MST1R: variants seen among roughly 807,000 people sequenced by gnomAD.
MST1R encodes the protein macrophage stimulating 1 receptor.
MST1R carries 99 observed loss-of-function variants against 117.8 expected under a neutral mutation model. The ratio of observed to expected loss-of-function variants is 0.84; its 90% CI spans 0.71 to 0.99. MST1R has a LOEUF of 0.99. MST1R is among the 50% of genes least tolerant of loss of function. The probability of loss-of-function intolerance (pLI) is 0.00; values close to 1 mark genes in which losing one functional copy is unlikely to be tolerated. For synonymous variants in MST1R, 734 were observed against 765.3 expected (o/e 0.96, Z 0.68); for missense variants, 1,683 against 1,840.2 (o/e 0.91, Z 1.56).
At position 49,903,217 on chromosome 3, in the gene MST1R, C is replaced by A. The variant is rs780104920; in HGVS notation, c.393G>T (p.Ala131=). 8 of 1,606,696 alleles carry A rather than the reference C, an allele frequency of 5.0e-6. No homozygotes were observed. Among genetic ancestry groups the A allele is most frequent in the Non-Finnish European group, 6.8e-6 (8 of 1,179,988 alleles). The change falls in exon 1 of 20, where the codon GCG becomes GCT. Residue 131 remains alanine, a synonymous_variant. Transcript: ENST00000296474. ...KVLVLDPALP[A]LVSCGSSLQG... is the part of the protein sequence containing the mutation. ...GCAGGCTGGAGCCACAACTGACCAG[C>A]GCAGGCAGCGCGGGATCCAGCACCA...
chr3:49,901,865 CTG>C (rs2082688150), intron 1 of MST1R, among the ~76,000 whole-genome samples: 1 of 145,876 alleles, frequency 6.9e-6, no homozygotes, highest in Non-Finnish European at 1.5e-5. Flanking sequence ...GAAAGTGAAA[CTG>C]TTGGCAAGCA....
chr3:49,902,379 C>A lies in MST1R; in HGVS notation c.1230+1G>T. The A allele has an allele frequency of 3.1e-6, 5 of 1,612,376 alleles. No homozygotes were observed. Among genetic ancestry groups the A allele is most frequent in the Non-Finnish European group, 4.2e-6 (5 of 1,179,234 alleles). ...AGTAAGGGCCCCTTCTTTCAGCTTA[C>A]CGGGTTGGGGCAAAAACTGGGCGAC... On this transcript the variant is annotated splice_donor_variant, in intron 1 of 19. Transcript: ENST00000296474. LOFTEE classifies it high-confidence loss of function.
Position 49,903,274 on chromosome 3 carries a change from G to A in MST1R, c.336C>T (p.His112=), listed in dbSNP as rs758647857. 1.3e-5 allele frequency: 21 copies of A among 1,610,504 alleles called. No individual in the cohort carries two copies. The Middle Eastern group carries it at 4.9e-4, about 38-fold the overall frequency. Residue 112 remains histidine, a synonymous_variant, in exon 1 of 20, where the codon CAC becomes CAT. Transcript: ENST00000296474. ...TTGTGTCTGTGTCACCGGGAGGGCCGTGGGGTCCTGGGCCACAGGCTGCAC... is the reference window on the plus strand; with the variant it reads ...TTGTGTCTGTGTCACCGGGAGGGCCATGGGGTCCTGGGCCACAGGCTGCAC... ...QTCAACGPGP[H]GPPGDTDTKV...
chr3:49,895,418 T>C, intron 13 of MST1R, 29 bp downstream of exon 13: 2 of 1,613,996 alleles, frequency 1.2e-6, no homozygotes, highest in South Asian at 1.1e-5. Flanking sequence ...AGGGGGTGGC[T>C]TTAGCTTCTC....
rs778680733 is a variant in MST1R at position 49,899,092 on chromosome 3, C to G, written c.1402G>C (p.Asp468His). The part of the protein sequence containing the change: ...NVTVAHMGTM[D>H]GRILQVELVR... ...GGACCCACCTGCAGGATACGCCCAT[C>G]CATTGTGCCCATGTGTGCCACTGTG... The change falls in exon 2 of 20, where the codon GAT (aspartate) becomes CAT (histidine). Residue 468 changes from aspartate (D) to histidine (H), a missense_variant. Physicochemically the swap from Asp to His is moderately conservative, Grantham distance 81. Transcript: ENST00000296474. 6.2e-7 allele frequency: 1 copy of G among 1,614,136 alleles called. No individual in the cohort carries two copies. Among genetic ancestry groups the G allele is most frequent in the Non-Finnish European group, 8.5e-7 (1 of 1,180,046 alleles).
At chr3:49,900,830 A>T (rs2082652204) in intron 1 of MST1R, among the ~76,000 whole-genome samples, 1 of 152,156 alleles carries the variant, frequency 6.6e-6, no homozygotes, top group Non-Finnish European at 1.5e-5. Context: ...CAGCTCCTGA[A>T]AACACGTAAG....
In MST1R at chr3:49,896,804, T is replaced by C; in HGVS notation, c.2270A>G (p.Gln757Arg). The change falls in exon 8 of 20, where the codon CAG (glutamine) becomes CGG (arginine). Residue 757 changes from glutamine to arginine, a missense_variant. Physicochemically the swap from Gln to Arg is conservative, Grantham distance 43. Coordinates refer to ENST00000296474, the MANE Select transcript of MST1R (RefSeq NM_002447.4). ...CTGGAAGGTCCAGGAACCAGGTACC[T>C]GGGCACCCCCCACCTGCAGGCTAAG... The part of the protein sequence containing the change: ...VPLSLQVGGA[Q>R]VPGSWTFQYR... 1.3e-6 allele frequency: 2 copies of C among 1,562,006 alleles called. No individual in the cohort carries two copies. The highest frequency in any genetic ancestry group is 1.7e-6 in the Non-Finnish European group (2 of 1,152,074).
intron 13 of MST1R, 35 bp from the exon 14 acceptor site, chr3:49,895,408 A>T: frequency 6.2e-7 from 1 of 1,613,992 alleles, no homozygotes; most frequent in Non-Finnish European, 8.5e-7. Flanking sequence ...TTGTAGGGAC[A>T]GGGGGTGGCT....
At chr3:49,897,482 C>T (rs1166375719) in intron 6 of MST1R, 38 bp downstream of exon 6, 1 of 1,610,328 alleles carries the variant, frequency 6.2e-7, no homozygotes, top group Non-Finnish European at 8.5e-7. Context: ...CCGTACCATG[C>T]ACTGGCCAAG....
rs371786682 is a variant in MST1R at position 49,903,630 on chromosome 3, G to A, written c.-21C>T. On this transcript the variant is annotated 5_prime_UTR_variant, in exon 1 of 20. Transcript: ENST00000296474. Reference sequence around the variant, plus strand: ...TCCATCGAGGCGAGCTGGGACCCTAGAGGATCCCTACCGGCCTGGGCCTGG... The same window carrying A: ...TCCATCGAGGCGAGCTGGGACCCTAAAGGATCCCTACCGGCCTGGGCCTGG... 36 of 1,546,104 alleles carry A rather than the reference G, an allele frequency of 2.3e-5. No homozygotes were observed. The African/African-American group carries it at 4.5e-4, about 19-fold the overall frequency.
chr3:49,887,806 T>C (rs1046493208), intron 19 of MST1R, among the ~76,000 whole-genome samples: 1 of 152,258 alleles, frequency 6.6e-6, no homozygotes, highest in Admixed American at 6.5e-5. Flanking sequence ...CTGTGCCCTG[T>C]GGCCTGGGCT....
rs373667151 is a variant in MST1R at position 49,898,013 on chromosome 3, C to G, written c.1880+38G>C. On this transcript the variant is annotated intron_variant, in intron 5 of 19. Transcript: ENST00000296474. ...CATGGGGAAGGGGCTGCTTGGTTTCCCCCTTCAGGGAAAGGGAGGGGAGGG... is the reference window on the plus strand; with the variant it reads ...CATGGGGAAGGGGCTGCTTGGTTTCGCCCTTCAGGGAAAGGGAGGGGAGGG... 1.4e-5 allele frequency: 22 copies of G among 1,613,726 alleles called. 1 individual carries two copies. Among genetic ancestry groups the G allele is most frequent in the Admixed American group, 8.3e-5 (5 of 60,018 alleles).
Position 49,896,798 on chromosome 3 carries a change from G to T in MST1R, c.2276C>A (p.Pro759His), listed in dbSNP as rs768326110. Residue 759 changes from proline to histidine, a missense_variant, in exon 8 of 20, where the codon CCT becomes CAT. Physicochemically the swap from Pro to His is moderately conservative, Grantham distance 77. Coordinates refer to ENST00000296474, the MANE Select transcript of MST1R (RefSeq NM_002447.4). ...LSLQVGGAQV[P>H]GSWTFQYRED... ...TCTGTACTGGAAGGTCCAGGAACCA[G>T]GTACCTGGGCACCCCCCACCTGCAG... 6.7e-5 allele frequency: 104 copies of T among 1,563,782 alleles called. No homozygotes were observed. The highest frequency in any genetic ancestry group is 7.9e-5 in the Non-Finnish European group (91 of 1,153,076).
chr3:49,892,163 A>G (rs1411287156), intron 14 of MST1R, among the ~76,000 whole-genome samples: 2 of 151,542 alleles, frequency 1.3e-5, no homozygotes, highest in African/African-American at 4.8e-5. Flanking sequence ...ACTGGGTTTC[A>G]CCATGTTGGC....
At chr3:49,895,646 G>C in intron 12 of MST1R, 69 bp downstream of exon 12, 4 of 1,611,676 alleles carry the variant, frequency 2.5e-6, no homozygotes, top group Non-Finnish European at 3.4e-6. Context: ...GCAGAGAGAG[G>C]ATGTAGGGAC....
At chr3:49,891,683 G>A (rs1471450809) in intron 15 of MST1R, 75 bp downstream of exon 15, 6 of 1,607,860 alleles carry the variant, frequency 3.7e-6, no homozygotes, top group Middle Eastern at 1.6e-4. Context: ...ACTCAGTAAG[G>A]TGGGAACACA....
In MST1R at chr3:49,902,643, C is replaced by G. The variant is rs1450357101; in HGVS notation, c.967G>C (p.Val323Leu). ...GCACCCACTGGAGCGGAGTGGGCCACCCGCAGCACAGGGTAGGGCTGTCCG... is the reference window on the plus strand; with the variant it reads ...GCACCCACTGGAGCGGAGTGGGCCAGCCGCAGCACAGGGTAGGGCTGTCCG... ...EGGQPYPVLR[V>L]AHSAPVGAQL... The change falls in exon 1 of 20, where the codon GTG (valine) becomes CTG (leucine). Residue 323 changes from valine (V) to leucine (L), a missense_variant. Physicochemically the swap from Val to Leu is conservative, Grantham distance 32. Coordinates refer to ENST00000296474, the MANE Select transcript of MST1R (RefSeq NM_002447.4). The G allele has an allele frequency of 6.2e-7, 1 of 1,613,344 alleles. No individual in the cohort carries two copies. Among genetic ancestry groups the G allele is most frequent in the Admixed American group, 1.7e-5 (1 of 60,028 alleles).
rs769690182 is a variant in MST1R, at chr3:49,889,928, A to AATCAGGGC, written c.3935_3942dup (p.Ser1315AlafsTer8). On this transcript the variant is annotated frameshift_variant, in exon 19 of 20. Transcript: ENST00000296474. LOFTEE classifies it low-confidence loss of function (END_TRUNC). ...CTACCACCTCCACATACTCACAGAG[A>AATCAGGGC]ATCAGGGCAATACTCAGGCTGGGGC... 1.2e-6 allele frequency: 2 copies of AATCAGGGC among 1,614,024 alleles called. No individual in the cohort carries two copies. The highest frequency in any genetic ancestry group is 1.7e-6 in the Non-Finnish European group (2 of 1,179,994).
chr3:49,901,198 C>A lies in MST1R; in HGVS notation c.1230+1182G>T, dbSNP rs75306852. On this transcript the variant is annotated intron_variant, in intron 1 of 19. Transcript: ENST00000296474. Reference sequence around the variant, plus strand: ...GGCCTCTCAACCCAGATGTACTCAGCAGAGGGAGGGAGGCTAAAGACCCCC... The same window carrying A: ...GGCCTCTCAACCCAGATGTACTCAGAAGAGGGAGGGAGGCTAAAGACCCCC... Among the ~76,000 whole-genome samples the A allele has an allele frequency of 3.3e-3, 498 of 152,346 alleles. 4 individuals carry two copies. The highest frequency in any genetic ancestry group is 0.012 in the African/African-American group (488 of 41,580).
Sources: gnomAD v4.1 joint callset for allele counts (sites outside exome capture counted in the v4.1 genomes callset) on GRCh38, gnomAD v4.1.1 for gene constraint, MANE v1.5 for transcripts, NCBI Gene and HGNC (gene_info 2026-07-23, HGNC 2026-07-21) for gene names.